The following SH2D4B variants were observed in gnomAD, a reference collection of about 807,000 sequenced individuals.
SH2D4B encodes SH2 domain containing 4B, also known as SH2 domain-containing protein 4B.
SH2D4B carries 45 observed loss-of-function variants against 61.5 expected under a neutral mutation model. The observed-to-expected ratio is 0.73, with a 90% CI of 0.58 to 0.94. The LOEUF (loss-of-function observed/expected upper bound fraction) is 0.94. Ranked by LOEUF, SH2D4B falls within the 40% of genes least tolerant of loss-of-function variation. The pLI is 0.00. For missense variants in SH2D4B, 572 were observed against 574.2 expected (o/e 1.00, Z 0.04); for synonymous variants, 224 against 220.4 (o/e 1.02, Z -0.14).
At chr10:80,589,283 C>T (rs765674773) in intron 4 of SH2D4B, among the ~76,000 whole-genome samples, 2 of 152,150 alleles carry the variant, frequency 1.3e-5, no homozygotes, top group East Asian at 1.9e-4. Flanking sequence ...GGATTACAGG[C>T]GTGAGCCACC....
Position 80,634,478 on chromosome 10 carries a change from G to A in SH2D4B, c.1182G>A (p.Thr394=), listed in dbSNP as rs571132037. 6.5e-6 allele frequency: 10 copies of A among 1,550,328 alleles called. No individual in the cohort carries two copies. The East Asian group carries it at 7.3e-5, about 11-fold the overall frequency. Reference sequence around the variant, plus strand: ...GAGTGGACCCCAATCGCCATGCAACGCTCACGGATCTCGTTGATTTCCATA... The same window carrying A: ...GAGTGGACCCCAATCGCCATGCAACACTCACGGATCTCGTTGATTTCCATA... ...FLGVDPNRHA[T]LTDLVDFHKE... Residue 394 remains threonine (T), a synonymous_variant, in exon 7 of 8, where the codon ACG becomes ACA. Coordinates refer to ENST00000646907, the MANE Select transcript of SH2D4B (RefSeq NM_001388272.1).
At chr10:80,570,083 C>T (rs1186297580) in intron 1 of SH2D4B, 71 bp from the exon 2 acceptor site, 1 of 1,568,326 alleles carries the variant, frequency 6.4e-7, no homozygotes, top group African/African-American at 1.3e-5. Context: ...TTGTTTACCA[C>T]TGGGCAGCTT....
At chr10:80,636,963 G>C (rs1840190330) in intron 7 of SH2D4B, among the ~76,000 whole-genome samples, 1 of 152,142 alleles carries the variant, frequency 6.6e-6, no homozygotes, top group Non-Finnish European at 1.5e-5. Context: ...ATTAATTTTT[G>C]TATAAGGTAT....
chr10:80,592,287 C>T (rs1165433729), intron 4 of SH2D4B, among the ~76,000 whole-genome samples: 1 of 152,074 alleles, frequency 6.6e-6, no homozygotes, highest in East Asian at 1.9e-4. Context: ...AATTTCTTAT[C>T]AGAGATATGG....
intron 6 of SH2D4B, among the ~76,000 whole-genome samples, chr10:80,627,596 T>C (rs2132156878): frequency 1.3e-5 from 2 of 151,368 alleles, no homozygotes; most frequent in Middle Eastern, 6.8e-3. Flanking sequence ...CAATAGCTTA[T>C]GTGGCCTTTA....
At chr10:80,625,621 G>A (rs1442822309) in intron 6 of SH2D4B, among the ~76,000 whole-genome samples, 26 of 147,080 alleles carry the variant, frequency 1.8e-4, no homozygotes, top group African/African-American at 5.9e-4. Flanking sequence ...CGCCCAGGCT[G>A]GGGTGCAGTG....
chr10:80,613,723 C>G (rs1460122923), intron 6 of SH2D4B, among the ~76,000 whole-genome samples: 2 of 152,216 alleles, frequency 1.3e-5, no homozygotes, highest in East Asian at 3.8e-4. Context: ...GCCATGTAGA[C>G]AGTGCAGGGA....
At chr10:80,627,282 A>G (rs11186334) in intron 6 of SH2D4B, among the ~76,000 whole-genome samples, 5,092 of 152,184 alleles carry the variant, frequency 0.033, 301 homozygotes, top group African/African-American at 0.12. Context: ...GAACATTCTT[A>G]TATCTTTCTT....
At chr10:80,596,969 A>G (rs1252654325) in intron 4 of SH2D4B, among the ~76,000 whole-genome samples, 1 of 101,802 alleles carries the variant, frequency 9.8e-6, no homozygotes, top group Non-Finnish European at 1.7e-5. Context: ...AAATATTTGG[A>G]AAAAAACAAT....
intron 1 of SH2D4B, among the ~76,000 whole-genome samples, chr10:80,551,784 G>A (rs574914149): frequency 4.6e-5 from 7 of 152,312 alleles, no homozygotes; most frequent in African/African-American, 9.6e-5. Flanking sequence ...GCAGGTTCCC[G>A]AAGAGCTTGG....
chr10:80,538,709 G>C lies in SH2D4B; in HGVS notation c.184+194G>C, dbSNP rs72824337. Reference sequence around the variant, plus strand: ...CTTTTGGCCAGGACCTTAGGGCTTCGAGGCTGCTGCAGAGGCTGTCCAGCG... The same window carrying C: ...CTTTTGGCCAGGACCTTAGGGCTTCCAGGCTGCTGCAGAGGCTGTCCAGCG... On this transcript the variant is annotated intron_variant, in intron 1 of 7. Coordinates refer to ENST00000646907, the MANE Select transcript of SH2D4B (RefSeq NM_001388272.1). The surrounding 1 kb of genome is among the most constrained non-coding windows in gnomAD (Gnocchi z 4.8). Among the ~76,000 whole-genome samples, 3 of 152,148 alleles carry C rather than the reference G, an allele frequency of 2.0e-5. No homozygotes were observed. Among genetic ancestry groups the C allele is most frequent in the Admixed American group, 1.3e-4 (2 of 15,282 alleles).
intron 4 of SH2D4B, among the ~76,000 whole-genome samples, chr10:80,602,524 C>T (rs1457180130): frequency 2.6e-5 from 4 of 152,184 alleles, no homozygotes; most frequent in Non-Finnish European, 1.5e-5. Context: ...GGCTAGAGAG[C>T]GGGGTGTCTT....
At chr10:80,575,204 T>C (rs1401589179) in intron 3 of SH2D4B, among the ~76,000 whole-genome samples, 2 of 149,720 alleles carry the variant, frequency 1.3e-5, no homozygotes, top group African/African-American at 4.9e-5. Context: ...GCAAATGTGG[T>C]AAAATATTAA....
intron 3 of SH2D4B, among the ~76,000 whole-genome samples, chr10:80,577,363 C>A (rs1216264288): frequency 6.6e-6 from 1 of 152,126 alleles, no homozygotes; most frequent in African/African-American, 2.4e-5. Flanking sequence ...CAAGCCCTTC[C>A]TGAATTATTA....
At chr10:80,585,290 A>G (rs1182290747) in intron 3 of SH2D4B, among the ~76,000 whole-genome samples, 2 of 151,938 alleles carry the variant, frequency 1.3e-5, no homozygotes, top group Non-Finnish European at 2.9e-5. Flanking sequence ...CTCCAAAATG[A>G]AAGTACACCT....
At chr10:80,571,239 T>G (rs570132193) in intron 2 of SH2D4B, among the ~76,000 whole-genome samples, 192 bp from the exon 3 acceptor site, 2 of 152,296 alleles carry the variant, frequency 1.3e-5, no homozygotes, top group African/African-American at 4.8e-5. Context: ...CTAGCATAGT[T>G]TTCCTGGCTT....
chr10:80,547,102 TTGTC>T (rs911519183), intron 1 of SH2D4B, among the ~76,000 whole-genome samples: 2 of 152,200 alleles, frequency 1.3e-5, no homozygotes, highest in Admixed American at 6.5e-5. Context: ...TAACTCCACT[TTGTC>T]TGGTTTCATT....
intron 7 of SH2D4B, among the ~76,000 whole-genome samples, chr10:80,639,474 G>T (rs1356381952): frequency 2.6e-5 from 4 of 152,182 alleles, no homozygotes; most frequent in East Asian, 3.8e-4. Flanking sequence ...CCTGTATTGG[G>T]TGCATATAAA....
At chr10:80,555,832 G>T (rs1241244142) in intron 1 of SH2D4B, among the ~76,000 whole-genome samples, 1 of 152,112 alleles carries the variant, frequency 6.6e-6, no homozygotes, top group East Asian at 1.9e-4. Context: ...AAGAAAATGT[G>T]GGTTTAAGAA....
Sources: allele counts gnomAD v4.1 joint callset (sites outside exome capture counted in the v4.1 genomes callset), GRCh38; gene constraint gnomAD v4.1.1; non-coding constraint Gnocchi (gnomAD v3.1); transcripts MANE v1.5; gene names NCBI Gene and HGNC (gene_info 2026-07-23, HGNC 2026-07-21).